CELF2: variants seen among roughly 807,000 people sequenced by gnomAD.
CELF2 encodes the protein CUGBP Elav-like family member 2.
A neutral mutation model predicts 62.6 loss-of-function variants in CELF2; 8 were observed. That is an observed-to-expected ratio of 0.13 (90% CI 0.07 to 0.23). CELF2 has a LOEUF of 0.23. Ranked by LOEUF, CELF2 falls within the 10% of genes least tolerant of loss-of-function variation. The pLI, the probability that CELF2 is intolerant of heterozygous loss-of-function variation, is 1.00. For missense variants in CELF2, 333 were observed against 671.0 expected (o/e 0.50, Z 5.56); for synonymous variants, 258 against 250.0 (o/e 1.03, Z -0.30).
At chr10:10,877,846 C>T (rs964280489) in intron 1 of CELF2, among the ~76,000 whole-genome samples, 6 of 152,152 alleles carry the variant, frequency 3.9e-5, no homozygotes, top group Non-Finnish European at 7.3e-5. Flanking sequence ...TACTTCGTGC[C>T]TGTTATATTC....
chr10:10,785,817 T>C, the CELF2 span, among the ~76,000 whole-genome samples: 7 of 152,286 alleles, frequency 4.6e-5, no homozygotes, highest in East Asian at 1.4e-3. Context: ...CACAACATGG[T>C]GACTATATAG....
chr10:10,918,524 C>G (rs528844966), intron 1 of CELF2, among the ~76,000 whole-genome samples: 1 of 152,346 alleles, frequency 6.6e-6, no homozygotes, highest in South Asian at 2.1e-4. Flanking sequence ...GGAACCACCA[C>G]TTCTCCAAAG....
At position 11,333,522 on chromosome 10, in the gene CELF2, T is replaced by TATTA. The variant is rs1418426272; in HGVS notation, c.*4470_*4473dup. On this transcript the variant is annotated 3_prime_UTR_variant, in exon 13 of 13. Coordinates refer to ENST00000633077, the MANE Select transcript of CELF2 (RefSeq NM_001326342.2). ...CTGGAATCATTTTACTGTTTGTTTT[T>TATTA]ATTATCTTAAGTGCTAATTAAAAAA... 3.3e-5 allele frequency: 5 copies of TATTA among 152,400 alleles called. No individual in the cohort carries two copies. The highest frequency in any genetic ancestry group is 1.2e-4 in the African/African-American group (5 of 41,430). The allele number at this position is 152,400 out of a possible 1,614,324, so 9.4% of individuals were successfully genotyped here.
chr10:11,099,253 T>C (rs1254357576), intron 1 of CELF2, among the ~76,000 whole-genome samples: 1 of 152,232 alleles, frequency 6.6e-6, no homozygotes, highest in Non-Finnish European at 1.5e-5. Context: ...TCAGTAAAAA[T>C]GATTAATAGC....
chr10:10,499,470 C>T, the CELF2 span, among the ~76,000 whole-genome samples: 1 of 152,174 alleles, frequency 6.6e-6, no homozygotes, highest in Admixed American at 6.5e-5. Context: ...TGTGATTATA[C>T]ACTGCTATGT....
At chr10:11,313,379 A>C (rs1281037719) in intron 9 of CELF2, among the ~76,000 whole-genome samples, 1 of 152,222 alleles carries the variant, frequency 6.6e-6, no homozygotes, top group Non-Finnish European at 1.5e-5. Context: ...AGGCCAAGAA[A>C]TGTCTTACAT....
chr10:10,902,314 TA>T (rs1454370715), intron 1 of CELF2, among the ~76,000 whole-genome samples: 1 of 152,174 alleles, frequency 6.6e-6, no homozygotes, highest in Non-Finnish European at 1.5e-5. Flanking sequence ...ACTCTATTTG[TA>T]AGAGCCAAAA....
intron 1 of CELF2, among the ~76,000 whole-genome samples, chr10:10,805,198 C>T (rs753572006): frequency 1.3e-5 from 2 of 152,198 alleles, no homozygotes; most frequent in Non-Finnish European, 2.9e-5. Context: ...AAGTTCCGGT[C>T]ACTCATCCAA....
intron 2 of CELF2, among the ~76,000 whole-genome samples, chr10:10,994,318 C>G (rs772841698): frequency 2.0e-5 from 3 of 152,188 alleles, no homozygotes; most frequent in Non-Finnish European, 2.9e-5. Context: ...CAGCTACCTG[C>G]CACCAAAATT....
the CELF2 span, among the ~76,000 whole-genome samples, chr10:10,623,035 G>A: frequency 6.9e-4 from 91 of 131,570 alleles, no homozygotes; most frequent in African/African-American, 2.4e-3. Flanking sequence ...GCAGTGAGCC[G>A]AGATTGCGCC....
chr10:11,130,458 A>G (rs984253358), intron 1 of CELF2, among the ~76,000 whole-genome samples: 3 of 152,186 alleles, frequency 2.0e-5, no homozygotes, highest in Non-Finnish European at 4.4e-5. Context: ...GGGATGCCCC[A>G]TAGCACTTTA....
intron 2 of CELF2, chr10:10,920,121 C>T (rs1232030461): frequency 3.2e-6 from 2 of 626,120 alleles, no homozygotes; most frequent in Non-Finnish European, 4.6e-6. Flanking sequence ...ATTTTGATAC[C>T]TCATACATCA....
chr10:10,563,905 T>C, the CELF2 span, among the ~76,000 whole-genome samples: 1 of 152,280 alleles, frequency 6.6e-6, no homozygotes, highest in South Asian at 2.1e-4. Context: ...GAGAGGTGAA[T>C]TGAGAAGTGT....
the CELF2 span, among the ~76,000 whole-genome samples, chr10:10,793,268 G>A: frequency 6.6e-6 from 1 of 152,108 alleles, no homozygotes; most frequent in African/African-American, 2.4e-5. Flanking sequence ...GAAAGCACTT[G>A]AAATCCCATT....
chr10:10,970,304 C>T (rs982611091), intron 2 of CELF2, among the ~76,000 whole-genome samples: 5 of 152,188 alleles, frequency 3.3e-5, no homozygotes, highest in East Asian at 1.9e-4. Context: ...TGGCCTCAAG[C>T]GATCCGCCCA....
At chr10:11,259,919 G>C (rs2079981609) in intron 5 of CELF2, among the ~76,000 whole-genome samples, 1 of 152,174 alleles carries the variant, frequency 6.6e-6, no homozygotes, top group African/African-American at 2.4e-5. Flanking sequence ...TAGAATCCCT[G>C]TTATCTCCTG....
At chr10:11,169,027 AT>A (rs1282156127) in intron 2 of CELF2, 1 of 152,174 alleles carries the variant, frequency 6.6e-6, no homozygotes, top group African/African-American at 2.4e-5. Flanking sequence ...AGAACCCTAA[AT>A]TTAATTTCTG....
chr10:11,061,564 G>A (rs746067450), intron 1 of CELF2, among the ~76,000 whole-genome samples: 1 of 152,222 alleles, frequency 6.6e-6, no homozygotes, highest in Non-Finnish European at 1.5e-5. Context: ...CCTGCTATTG[G>A]AAGATGCCAT....
rs979089439 is a variant in CELF2 at position 10,934,330 on chromosome 10, C to T, written c.89+14331C>T. 1.3e-5 allele frequency among the ~76,000 whole-genome samples: 2 copies of T among 152,178 alleles called. No homozygotes were observed. Among genetic ancestry groups the T allele is most frequent in the African/African-American group, 2.4e-5 (1 of 41,444 alleles). On this transcript the variant is annotated intron_variant, in intron 2 of 13. Transcript: ENST00000636488. The surrounding 1 kb of genome is among the most constrained non-coding windows in gnomAD (Gnocchi z 4.4). ...CCTCGAGGAGTGGCCCCAAGTCTAC[C>T]GTGCTCACCTTTCTATCCTCAACAC...
Sources: gnomAD v4.1 joint callset for allele counts (sites outside exome capture counted in the v4.1 genomes callset) on GRCh38, gnomAD v4.1.1 for gene constraint, Gnocchi (gnomAD v3.1) non-coding constraint, MANE v1.5 for transcripts, NCBI Gene and HGNC (gene_info 2026-07-23, HGNC 2026-07-21) for gene names.